MED12L: variants seen among roughly 807,000 people sequenced by gnomAD.
MED12L encodes mediator complex subunit 12L, also known as mediator of RNA polymerase II transcription subunit 12-like protein.
Under a neutral mutation model 281.3 loss-of-function variants are expected in MED12L, and 60 were observed. The ratio of observed to expected loss-of-function variants is 0.21; its 90% CI spans 0.17 to 0.26. The LOEUF (loss-of-function observed/expected upper bound fraction) is 0.26. Ranked by LOEUF, MED12L falls within the 10% of genes least tolerant of loss-of-function variation. MED12L has a pLI of 1.00. For missense variants in MED12L, 2,146 were observed against 2,680.9 expected (o/e 0.80, Z 4.41); for synonymous variants, 974 against 987.2 (o/e 0.99, Z 0.25).
At chr3:151,328,952 C>T (rs371578438) in intron 16 of MED12L, 27 of 1,613,556 alleles carry the variant, frequency 1.7e-5, no homozygotes, top group African/African-American at 1.6e-4. Flanking sequence ...TCTGGGGCAC[C>T]GCTCAGATCT....
chr3:151,258,696 A>G (rs891311524), intron 16 of MED12L, among the ~76,000 whole-genome samples: 5 of 151,896 alleles, frequency 3.3e-5, no homozygotes, highest in African/African-American at 1.2e-4. Flanking sequence ...CTAAAAATAC[A>G]AAAAAATTAG....
intron 16 of MED12L, among the ~76,000 whole-genome samples, chr3:151,271,821 A>C (rs1741005047): frequency 6.6e-6 from 1 of 152,210 alleles, no homozygotes; most frequent in South Asian, 2.1e-4. Flanking sequence ...ATACTGGTAG[A>C]ACTAAGCTCT....
intron 12 of MED12L, among the ~76,000 whole-genome samples, chr3:151,187,377 A>G (rs1331208961): frequency 6.6e-6 from 1 of 152,186 alleles, no homozygotes. Flanking sequence ...AGGTTCATAT[A>G]TAGATTACCT....
chr3:151,230,127 G>C (rs886293248), intron 16 of MED12L, among the ~76,000 whole-genome samples: 2 of 152,050 alleles, frequency 1.3e-5, no homozygotes, highest in East Asian at 3.9e-4. Context: ...CCGCCACCAC[G>C]CCTGGCTAAT....
At chr3:151,248,581 C>A (rs1736217441) in intron 16 of MED12L, among the ~76,000 whole-genome samples, 1 of 152,044 alleles carries the variant, frequency 6.6e-6, no homozygotes, top group African/African-American at 2.4e-5. Context: ...ATCCGACTGT[C>A]TGGATAATAA....
chr3:151,388,462 A>G (rs1713765336), intron 37 of MED12L, among the ~76,000 whole-genome samples: 1 of 152,184 alleles, frequency 6.6e-6, no homozygotes, highest in Non-Finnish European at 1.5e-5. Context: ...TCGGGTTTGA[A>G]ACTTGAAATT....
intron 16 of MED12L, among the ~76,000 whole-genome samples, chr3:151,342,473 A>T (rs924183367): frequency 6.6e-6 from 1 of 152,222 alleles, no homozygotes. Context: ...GGAACTTGCT[A>T]GAAATGCACA....
chr3:151,220,187 C>T (rs1036671263), intron 16 of MED12L, among the ~76,000 whole-genome samples: 2 of 150,138 alleles, frequency 1.3e-5, no homozygotes, highest in Non-Finnish European at 3.0e-5. Context: ...TGCCAAATGT[C>T]CTCTGAGGGA....
At chr3:151,230,253 C>T (rs573145275) in intron 16 of MED12L, among the ~76,000 whole-genome samples, 1 of 152,218 alleles carries the variant, frequency 6.6e-6, no homozygotes, top group Non-Finnish European at 1.5e-5. Flanking sequence ...GGATTACAGG[C>T]GTGAGCCACC....
In MED12L at chr3:151,325,467, T is replaced by C. The variant is rs923966177; in HGVS notation, c.2251-24592T>C. Among the ~76,000 whole-genome samples the C allele has an allele frequency of 2.0e-5, 3 of 152,338 alleles. No homozygotes were observed. In the South Asian group the frequency reaches 6.2e-4, roughly 32 times the overall value. ...TATCATTTATGACTATATTGTAGCA[T>C]CTTGTTTTTTTTAATATTTTAGAAC... On this transcript the variant is annotated intron_variant, in intron 16 of 44. Transcript: ENST00000687756.
At position 151,182,911 on chromosome 3, in the gene MED12L, G is replaced by C. The variant is rs74364487; in HGVS notation, c.1495-2419G>C. On this transcript the variant is annotated intron_variant, in intron 11 of 44. Transcript: ENST00000687756. The stretch of plus-strand genomic sequence containing the variant: ...ATTACAGTTGGGATAACTACTTCCA[G>C]GTTTCTGTAAGGGTAAAATGAGATC... Among the ~76,000 whole-genome samples the C allele has an allele frequency of 5.1e-3, 772 of 152,220 alleles. 3 individuals carry two copies. Among genetic ancestry groups the C allele is most frequent in the Non-Finnish European group, 8.2e-3 (559 of 68,016 alleles).
At chr3:151,189,793 GGT>G (rs1243280139) in intron 13 of MED12L, among the ~76,000 whole-genome samples, 29 of 152,292 alleles carry the variant, frequency 1.9e-4, no homozygotes, top group African/African-American at 6.7e-4. Context: ...TTATCTTAAA[GGT>G]GTAGTCACAA....
intron 17 of MED12L, among the ~76,000 whole-genome samples, chr3:151,351,110 A>T (rs905008689): frequency 1.3e-5 from 2 of 152,190 alleles, no homozygotes; most frequent in Non-Finnish European, 2.9e-5. Flanking sequence ...TCTGTAGTAC[A>T]TATACTTTTT....
chr3:151,302,203 T>G (rs1488672373), intron 16 of MED12L, among the ~76,000 whole-genome samples: 1 of 152,212 alleles, frequency 6.6e-6, no homozygotes, highest in Non-Finnish European at 1.5e-5. Context: ...GAAAGTCGAT[T>G]AGTGTCTGCT....
chr3:151,349,984 A>G, intron 16 of MED12L, 75 bp from the exon 17 acceptor site: 1 of 1,403,964 alleles, frequency 7.1e-7, no homozygotes, highest in Non-Finnish European at 9.8e-7. Context: ...TGCTGTGGTC[A>G]GTGCATTTCA....
chr3:151,164,967 C>T (rs946898581), intron 9 of MED12L, among the ~76,000 whole-genome samples: 10 of 151,640 alleles, frequency 6.6e-5, no homozygotes, highest in African/African-American at 2.4e-4. Context: ...CAAACCTGCA[C>T]ATTGTGCACA....
rs529505119 is a variant in MED12L, at chr3:151,247,013, G to GA, written c.2250+53353dup. ...ACATTTATGCAGCCAAAAAACACAT[G>GA]AAAAAATCCTCACTGGCATCAGAGA... On this transcript the variant is annotated intron_variant, in intron 16 of 44. Transcript: ENST00000687756. Among the ~76,000 whole-genome samples, 298 of 152,146 alleles carry GA rather than the reference G, an allele frequency of 2.0e-3. 2 individuals are homozygous for GA. The highest frequency in any genetic ancestry group is 5.9e-3 in the African/African-American group (244 of 41,544).
intron 26 of MED12L, among the ~76,000 whole-genome samples, chr3:151,369,943 A>G (rs896558760): frequency 2.0e-5 from 3 of 152,152 alleles, no homozygotes; most frequent in Non-Finnish European, 4.4e-5. Context: ...CAGGAGCAGA[A>G]CACCAGAAAA....
At chr3:151,328,718 G>A (rs144128158) in intron 16 of MED12L, 5 of 1,614,002 alleles carry the variant, frequency 3.1e-6, no homozygotes, top group African/African-American at 1.3e-5. Context: ...ACACACAAAA[G>A]CTCTGAGCTG....
Sources: allele counts gnomAD v4.1 joint callset (sites outside exome capture counted in the v4.1 genomes callset), GRCh38; gene constraint gnomAD v4.1.1; transcripts MANE v1.5; gene names NCBI Gene and HGNC (gene_info 2026-07-23, HGNC 2026-07-21).